The following DPH1 variants were observed in gnomAD, a reference collection of about 807,000 sequenced individuals.
The protein encoded by DPH1 is 2-(3-amino-3-carboxypropyl)histidine synthase subunit 1.
A neutral mutation model predicts 55.3 loss-of-function variants in DPH1; 59 were observed. The ratio of observed to expected loss-of-function variants is 1.07; its 90% CI spans 0.87 to 1.33. The LOEUF (loss-of-function observed/expected upper bound fraction) is 1.33, where lower values mean the gene tolerates loss of function less well. Ranked by LOEUF, DPH1 falls within the 40% of genes most tolerant of loss-of-function variation. The pLI is 0.00. For synonymous variants in DPH1, 238 were observed against 235.5 expected (o/e 1.01, Z -0.10); for missense variants, 628 against 584.8 (o/e 1.07, Z -0.76).
At chr17:2,042,272 C>G (rs566527306) in intron 12 of DPH1, 50 of 1,401,802 alleles carry the variant, frequency 3.6e-5, no homozygotes, top group Non-Finnish European at 4.4e-5. Flanking sequence ...CAGTTTCCTC[C>G]ATCTTGTTTC....
In DPH1 at chr17:2,036,210, T is replaced by C; in HGVS notation, c.400+119T>C. 6.8e-7 allele frequency: 1 copy of C among 1,473,068 alleles called. No homozygotes were observed. Among genetic ancestry groups the C allele is most frequent in the Non-Finnish European group, 9.0e-7 (1 of 1,108,980 alleles). 91.2% of individuals were successfully genotyped at this position (1,473,068 alleles called of 1,614,324 possible). ...CTTGGAGACACAAGGTCCCTCCTGG[T>C]TTCTGGGGTGGCCTCTGCCTTCCCG... On this transcript the variant is annotated intron_variant, in intron 4 of 12. Coordinates refer to ENST00000263083, the MANE Select transcript of DPH1 (RefSeq NM_001383.6). This position sits in a 1 kb window ranked among gnomAD's most constrained non-coding sequence, Gnocchi z 4.8.
rs185677715 is a variant in DPH1 at position 2,043,880 on chromosome 17, T to G, written c.*1294T>G. 6.6e-6 allele frequency among the ~76,000 whole-genome samples: 1 copy of G among 152,296 alleles called. No homozygotes were observed. The highest frequency in any genetic ancestry group is 1.9e-4 in the East Asian group (1 of 5,184). ...CAAAGACAGTACAGAATAAACAGCT[T>G]CTTCCTAAATTGACCCCATCTTGAG... On this transcript the variant is annotated 3_prime_UTR_variant, in exon 13 of 13. Transcript: ENST00000263083.
At position 2,033,887 on chromosome 17, in the gene DPH1, C is replaced by G. The variant is rs541431500; in HGVS notation, c.278+45C>G. ...AGAGGAGGGTGAGCCAGGCTTCCCC[C>G]ACCCCCTATGCTCATTACCCGGGTG... On this transcript the variant is annotated intron_variant, in intron 3 of 12. Transcript: ENST00000263083. 150 of 1,608,022 alleles carry G rather than the reference C, an allele frequency of 9.3e-5. 1 individual carries two copies. In the South Asian group the frequency reaches 1.5e-3, roughly 16 times the overall value.
Position 2,040,428 on chromosome 17 carries a change from G to A in DPH1, c.906+54G>A, listed in dbSNP as rs537450674. ...GAGGGAAGTGACTGGGAACACAGCT[G>A]GGAAAACCAGTAGGCCACAGGTTCA... On this transcript the variant is annotated intron_variant, in intron 8 of 12. Coordinates refer to ENST00000263083, the MANE Select transcript of DPH1 (RefSeq NM_001383.6). 1.0e-3 allele frequency: 1,612 copies of A among 1,613,530 alleles called. 13 individuals carry two copies. Among genetic ancestry groups the A allele is most frequent in the Non-Finnish European group, 1.1e-3 (1,353 of 1,179,682 alleles).
intron 6 of DPH1, among the ~76,000 whole-genome samples, chr17:2,038,174 GAATT>G (rs962612524): frequency 2.7e-5 from 3 of 110,584 alleles, no homozygotes; most frequent in African/African-American, 1.0e-4. Flanking sequence ...AAAAAAAAAA[GAATT>G]AGCTGGGTAC....
chr17:2,040,862 A>G (rs2067507905), intron 9 of DPH1: 2 of 625,606 alleles, frequency 3.2e-6, no homozygotes, highest in Non-Finnish European at 5.6e-6. Context: ...CAGGTACTAA[A>G]TGTGGTTCTG....
chr17:2,039,863 G>T lies in DPH1; in HGVS notation c.749+40G>T, dbSNP rs760067584. On this transcript the variant is annotated intron_variant, in intron 7 of 12. Transcript: ENST00000263083. Reference sequence around the variant, plus strand: ...GGGCTGGGCTGACCAGCTGGTGAGGGGTGAGATTCCCTGCCACTGAGGTCC... The same window carrying T: ...GGGCTGGGCTGACCAGCTGGTGAGGTGTGAGATTCCCTGCCACTGAGGTCC... 10 of 1,613,502 alleles carry T rather than the reference G, an allele frequency of 6.2e-6. No individual in the cohort carries two copies. In the East Asian group the frequency reaches 2.2e-4, roughly 36 times the overall value.
At chr17:2,040,795 A>G (rs914372117) in intron 9 of DPH1, 190 bp downstream of exon 9, 21 of 659,534 alleles carry the variant, frequency 3.2e-5, no homozygotes, top group Non-Finnish European at 5.2e-5. Flanking sequence ...GGCAATGGCA[A>G]CATCACATTT....
At chr17:2,038,296 G>C (rs1245850318) in intron 6 of DPH1, among the ~76,000 whole-genome samples, 1 of 152,146 alleles carries the variant, frequency 6.6e-6, no homozygotes, top group Admixed American at 6.5e-5. Flanking sequence ...CTCAACCTGG[G>C]TGACAGAGTA....
Position 2,033,281 on chromosome 17 carries a change from G to A in DPH1, c.62-224G>A. 4.8e-6 allele frequency: 3 copies of A among 627,314 alleles called. 1 individual carries two copies. The South Asian group carries it at 5.9e-5, about 12-fold the overall frequency. 38.9% of individuals were successfully genotyped at this position (627,314 alleles called of 1,614,324 possible). ...CCAGGCATCTCGTGACTCTGACTTGGGTGACTGTTGTTTATTATCTTCTTG... is the reference window on the plus strand; with the variant it reads ...CCAGGCATCTCGTGACTCTGACTTGAGTGACTGTTGTTTATTATCTTCTTG... On this transcript the variant is annotated intron_variant, in intron 1 of 12. Coordinates refer to ENST00000263083, the MANE Select transcript of DPH1 (RefSeq NM_001383.6).
In DPH1 at chr17:2,042,197, CCCCCCGGGCCCCGAG is replaced by C. The variant is rs779653964; in HGVS notation, c.*18+323_*18+337del. 1.4e-5 allele frequency: 20 copies of C among 1,430,440 alleles called. 1 individual carries two copies. In the Admixed American group the frequency reaches 3.2e-4, roughly 23 times the overall value. 88.6% of individuals were successfully genotyped at this position (1,430,440 alleles called of 1,614,324 possible). On this transcript the variant is annotated intron_variant, in intron 12 of 12. Coordinates refer to ENST00000263083, the MANE Select transcript of DPH1 (RefSeq NM_001383.6). ...TCAGCGGCCCGCACCCGGTCCCCGA[CCCCCCGGGCCCCGAG>C]GGCGCCAGATCAGACTTCGGTGAGA... is the stretch of plus-strand genomic sequence containing the variant.
At chr17:2,042,311 C>A (rs781255719) in intron 12 of DPH1, 26 of 1,392,362 alleles carry the variant, frequency 1.9e-5, no homozygotes, top group Non-Finnish European at 2.4e-5. Flanking sequence ...CAGCATCCCC[C>A]ACCCTGCGTC....
At chr17:2,032,750 T>G (rs540299769) in intron 1 of DPH1, among the ~76,000 whole-genome samples, 1 of 152,316 alleles carries the variant, frequency 6.6e-6, no homozygotes, top group South Asian at 2.1e-4. Context: ...TTTTATTTAT[T>G]TATTTATTTT....
intron 3 of DPH1, among the ~76,000 whole-genome samples, chr17:2,035,717 C>T (rs902482689): frequency 3.9e-5 from 6 of 152,138 alleles, no homozygotes; most frequent in Admixed American, 2.0e-4. Flanking sequence ...TGGGGTCCCT[C>T]CTGCAGCCTG....
In DPH1 at chr17:2,036,095, T is replaced by C; in HGVS notation, c.400+4T>C. ...CACTACGGCCACAGTTGCCTGAGTA[T>C]GGTGGGGCCAGGACACCTGGACGGT... On this transcript the variant is annotated splice_donor_region_variant and intron_variant, in intron 4 of 12. Coordinates refer to ENST00000263083, the MANE Select transcript of DPH1 (RefSeq NM_001383.6). The surrounding 1 kb of genome is among the most constrained non-coding windows in gnomAD (Gnocchi z 4.8). 1 of 1,613,738 alleles carries C rather than the reference T, an allele frequency of 6.2e-7. No homozygotes were observed. The highest frequency in any genetic ancestry group is 8.5e-7 in the Non-Finnish European group (1 of 1,179,854).
At chr17:2,033,907 C>G in intron 3 of DPH1, 65 bp downstream of exon 3, 1 of 1,592,248 alleles carries the variant, frequency 6.3e-7, no homozygotes, top group East Asian at 2.2e-5. Context: ...GCTCATTACC[C>G]GGGTGGGTAA....
In DPH1 at chr17:2,036,828, C is replaced by G. The variant is rs1489278272; in HGVS notation, c.559-7C>G. 6.2e-7 allele frequency: 1 copy of G among 1,613,082 alleles called. No homozygotes were observed. On this transcript the variant is annotated splice_polypyrimidine_tract_variant and splice_region_variant and intron_variant, in intron 5 of 12. Transcript: ENST00000263083. This position sits in a 1 kb window ranked among gnomAD's most constrained non-coding sequence, Gnocchi z 4.8. ...CGCTGGCTTCACTTCCCTCGTCATT[C>G]CTACAGGCAGCCGCCCAGGAGCTGA...
Position 2,043,155 on chromosome 17 carries a change from T to G in DPH1, c.*569T>G. 1.3e-6 allele frequency: 2 copies of G among 1,575,120 alleles called. No homozygotes were observed. The highest frequency in any genetic ancestry group is 1.7e-4 in the Middle Eastern group (1 of 5,912). Reference sequence around the variant, plus strand: ...ACATCCAGCTCCTCTAGGGGCAGCCTCCGTCATCCATGCCCTCCCAGGACC... The same window carrying G: ...ACATCCAGCTCCTCTAGGGGCAGCCGCCGTCATCCATGCCCTCCCAGGACC... On this transcript the variant is annotated 3_prime_UTR_variant, in exon 13 of 13. Transcript: ENST00000263083.
At chr17:2,038,591 C>G (rs1283211826) in intron 6 of DPH1, among the ~76,000 whole-genome samples, 1 of 152,186 alleles carries the variant, frequency 6.6e-6, no homozygotes, top group Non-Finnish European at 1.5e-5. Flanking sequence ...CTATCGTGAC[C>G]TGTACATGCG....
Sources: allele counts gnomAD v4.1 joint callset (sites outside exome capture counted in the v4.1 genomes callset), GRCh38; gene constraint gnomAD v4.1.1; non-coding constraint Gnocchi (gnomAD v3.1); transcripts MANE v1.5; gene names NCBI Gene and HGNC (gene_info 2026-07-23, HGNC 2026-07-21).